SPATA3: variants seen among roughly 807,000 people sequenced by gnomAD.
SPATA3 encodes spermatogenesis-associated protein 3.
A neutral mutation model predicts 5.7 loss-of-function variants in SPATA3; 6 were observed. The ratio of observed to expected loss-of-function variants is 1.06; its 90% CI spans 0.58 to 2.09. The LOEUF (loss-of-function observed/expected upper bound fraction) is 2.09. SPATA3 is among the 30% of genes most tolerant of loss of function. The pLI is 0.00. For synonymous variants in SPATA3, 44 were observed against 48.4 expected, an observed-to-expected ratio of 0.91 and a Z score of 0.37; for missense variants, 155 against 130.4, an observed-to-expected ratio of 1.19 and a Z score of -0.92.
chr2:231,018,969 C>CTT (rs10652495), intron 6 of SPATA3, among the ~76,000 whole-genome samples: 32,008 of 126,252 alleles, frequency 0.25, 4,612 homozygotes, highest in Non-Finnish European at 0.3. Flanking sequence ...TTTTCTTTTT[C>CTT]TTTTTTTTTT....
At chr2:231,000,895 C>T (rs755669167) in intron 2 of SPATA3, among the ~76,000 whole-genome samples, 2 of 152,226 alleles carry the variant, frequency 1.3e-5, no homozygotes, top group African/African-American at 2.4e-5. Flanking sequence ...TGTTTAAACA[C>T]TGTTTGGCCA....
intron 2 of SPATA3, among the ~76,000 whole-genome samples, chr2:231,001,150 T>C (rs553865062): frequency 1.3e-5 from 2 of 152,218 alleles, no homozygotes; most frequent in South Asian, 4.1e-4. Flanking sequence ...ACCCATAGTA[T>C]CTGTCCTTCC....
At chr2:230,996,274 A>T in intron 1 of SPATA3, 1 of 1,532,084 alleles carries the variant, frequency 6.5e-7, no homozygotes, top group Middle Eastern at 1.7e-4. Context: ...GCCAGACGCC[A>T]CCGAGACTCC....
At chr2:231,017,375 C>T (rs527706218) in intron 6 of SPATA3, among the ~76,000 whole-genome samples, 45 of 152,328 alleles carry the variant, frequency 3.0e-4, no homozygotes, top group Non-Finnish European at 5.7e-4. Context: ...AAAGCACCCA[C>T]GGGTACAATG....
chr2:231,010,621 G>A (rs1692756421), downstream of SPATA3, among the ~76,000 whole-genome samples: 2 of 152,174 alleles, frequency 1.3e-5, no homozygotes, highest in South Asian at 4.1e-4. Flanking sequence ...CTAGCCTTGG[G>A]GGAGATGGGA....
At chr2:231,009,290 C>T (rs1692721331), downstream of SPATA3, among the ~76,000 whole-genome samples, 1 of 152,168 alleles carries the variant, frequency 6.6e-6, no homozygotes, top group Non-Finnish European at 1.5e-5. Context: ...ACCACCACCT[C>T]ACCAGAATGA....
At chr2:231,013,898 G>A (rs1439275082) in exon 6 of SPATA3, 3 of 150,756 alleles carry the variant, frequency 2.0e-5, no homozygotes, top group Admixed American at 2.0e-4. Flanking sequence ...ACCCAGGTTG[G>A]AGTGCAGCAG....
chr2:231,008,707 T>C (rs1332214675), downstream of SPATA3, among the ~76,000 whole-genome samples: 5 of 152,204 alleles, frequency 3.3e-5, no homozygotes, highest in Non-Finnish European at 5.9e-5. Flanking sequence ...CACTTCCTTT[T>C]TCTGGCATAT....
intron 6 of SPATA3, among the ~76,000 whole-genome samples, chr2:231,018,180 C>T (rs539680339): frequency 2.2e-4 from 33 of 152,296 alleles, no homozygotes; most frequent in African/African-American, 7.7e-4. Context: ...CCGCCTCAGC[C>T]TCCCAAAGTG....
downstream of SPATA3, among the ~76,000 whole-genome samples, chr2:231,007,582 G>A (rs1348284058): frequency 1.3e-5 from 2 of 152,250 alleles, no homozygotes; most frequent in African/African-American, 2.4e-5. Context: ...CCCAGTTACT[G>A]GGAATAGGAG....
At chr2:231,002,847 C>G (rs1172453245), downstream of SPATA3, 3 of 1,159,190 alleles carry the variant, frequency 2.6e-6, no homozygotes, top group Non-Finnish European at 3.5e-6. Flanking sequence ...GCGCTCTGTC[C>G]CTTCGAATGG....
exon 2 of SPATA3, chr2:231,000,375 T>A (rs2271376): frequency 6.6e-7 from 1 of 1,508,034 alleles, no homozygotes; most frequent in African/African-American, 1.4e-5. Context: ...GGGCCTCTGA[T>A]TCGCGCCGGC....
downstream of SPATA3, among the ~76,000 whole-genome samples, chr2:231,010,797 G>T (rs927295149): frequency 6.6e-6 from 1 of 152,012 alleles, no homozygotes; most frequent in Admixed American, 6.6e-5. Flanking sequence ...GCCTGGTGCA[G>T]TGGCTCACGC....
chr2:231,006,533 A>G (rs1277689855), downstream of SPATA3, among the ~76,000 whole-genome samples: 1 of 152,038 alleles, frequency 6.6e-6, no homozygotes, highest in Non-Finnish European at 1.5e-5. Context: ...AGAAAAAGAA[A>G]AGAAAATTAG....
At chr2:231,016,516 AAAAAAAAAG>A (rs1228571821) in intron 6 of SPATA3, among the ~76,000 whole-genome samples, 3 of 151,132 alleles carry the variant, frequency 2.0e-5, no homozygotes, top group African/African-American at 7.3e-5. Context: ...CAAAAAAAAA[AAAAAAAAAG>A]AAGAAGAAGG....
downstream of SPATA3, among the ~76,000 whole-genome samples, chr2:231,007,899 C>A (rs185952060): frequency 6.6e-6 from 1 of 152,162 alleles, no homozygotes; most frequent in Non-Finnish European, 1.5e-5. Context: ...AATTCCAAGA[C>A]TTTGGGAGGC....
intron 6 of SPATA3, among the ~76,000 whole-genome samples, chr2:231,017,476 C>A (rs1045706423): frequency 5.3e-5 from 8 of 152,178 alleles, no homozygotes; most frequent in Admixed American, 5.2e-4. Context: ...CTAATTGGAC[C>A]AACTCAGTTG....
At chr2:231,006,540 T>C (rs1331442086), downstream of SPATA3, among the ~76,000 whole-genome samples, 1 of 151,266 alleles carries the variant, frequency 6.6e-6, no homozygotes, top group South Asian at 2.1e-4. Context: ...GAAAAGAAAA[T>C]TAGCTTACTT....
chr2:231,002,851 C>A (rs1008528376), downstream of SPATA3: 4 of 1,112,294 alleles, frequency 3.6e-6, no homozygotes, highest in Non-Finnish European at 4.9e-6. Flanking sequence ...TCTGTCCCTT[C>A]GAATGGAGGT....
Sources: gnomAD v4.1 joint callset for allele counts (sites outside exome capture counted in the v4.1 genomes callset) on GRCh38, gnomAD v4.1.1 for gene constraint, MANE v1.5 for transcripts, NCBI Gene and HGNC (gene_info 2026-07-23, HGNC 2026-07-21) for gene names.